Variants in TASP1 observed in about 807,000 individuals in gnomAD.
TASP1 encodes threonine aspartase 1.
A neutral mutation model predicts 56.6 loss-of-function variants in TASP1; 16 were observed. The ratio of observed to expected loss-of-function variants is 0.28; its 90% CI spans 0.19 to 0.43. TASP1 has a LOEUF of 0.43. TASP1 is among the 20% of genes least tolerant of loss of function. TASP1 has a pLI of 1.00. For synonymous variants in TASP1, 179 were observed against 184.2 expected, an observed-to-expected ratio of 0.97 and a Z score of 0.23; for missense variants, 393 against 511.6, an observed-to-expected ratio of 0.77 and a Z score of 2.24.
the TASP1 span, among the ~76,000 whole-genome samples, chr20:13,227,725 G>A: frequency 6.6e-6 from 1 of 151,228 alleles, no homozygotes; most frequent in African/African-American, 2.4e-5. Flanking sequence ...AGCCAGGATG[G>A]TCTCGATCTC....
chr20:13,281,520 G>C, the TASP1 span, among the ~76,000 whole-genome samples: 1 of 152,222 alleles, frequency 6.6e-6, no homozygotes, highest in African/African-American at 2.4e-5. Flanking sequence ...GCACTTTACA[G>C]ATGGGAAAAC....
intron 11 of TASP1, among the ~76,000 whole-genome samples, chr20:13,441,328 C>T (rs1318812257): frequency 2.0e-5 from 3 of 152,204 alleles, no homozygotes; most frequent in Admixed American, 1.3e-4. Context: ...AAAGCCCCTG[C>T]ATACATCTAG....
At chr20:13,358,547 C>T in the TASP1 span, among the ~76,000 whole-genome samples, 1 of 152,188 alleles carries the variant, frequency 6.6e-6, no homozygotes, top group Non-Finnish European at 1.5e-5. Flanking sequence ...CTCCTTTCCA[C>T]TCTTCAATCT....
At chr20:13,327,598 C>T in the TASP1 span, among the ~76,000 whole-genome samples, 1 of 152,100 alleles carries the variant, frequency 6.6e-6, no homozygotes, top group Non-Finnish European at 1.5e-5. Flanking sequence ...GGTACTGGTA[C>T]AAGAACAGAC....
the TASP1 span, among the ~76,000 whole-genome samples, chr20:13,372,555 A>C: frequency 6.6e-6 from 1 of 151,248 alleles, no homozygotes; most frequent in Non-Finnish European, 1.5e-5. Context: ...ATGTAATTTT[A>C]TATATATACA....
the TASP1 span, among the ~76,000 whole-genome samples, chr20:13,347,701 G>A: frequency 4.4e-4 from 67 of 152,264 alleles, no homozygotes; most frequent in African/African-American, 1.6e-3. Flanking sequence ...TTAGCTGGGT[G>A]TTTTGTGGCA....
At chr20:13,202,743 G>A in the TASP1 span, among the ~76,000 whole-genome samples, 2 of 152,226 alleles carry the variant, frequency 1.3e-5, no homozygotes, top group African/African-American at 4.8e-5. Flanking sequence ...TACAGAAAAC[G>A]GAAGTGAGGT....
chr20:13,404,719 T>C (rs1459081210), intron 13 of TASP1, among the ~76,000 whole-genome samples: 1 of 152,224 alleles, frequency 6.6e-6, no homozygotes, highest in East Asian at 1.9e-4. Flanking sequence ...AAGATTTACA[T>C]ACATAATCAC....
intron 1 of TASP1, among the ~76,000 whole-genome samples, chr20:13,634,157 T>A (rs554719039): frequency 6.6e-6 from 1 of 152,272 alleles, no homozygotes; most frequent in East Asian, 1.9e-4. Context: ...CAACTGATGA[T>A]GAATAAACAA....
the TASP1 span, among the ~76,000 whole-genome samples, chr20:13,359,146 C>T: frequency 7.1e-6 from 1 of 140,326 alleles, no homozygotes; most frequent in Non-Finnish European, 1.5e-5. Context: ...CTCTGCGCCC[C>T]AGCCACATCT....
intron 12 of TASP1, among the ~76,000 whole-genome samples, chr20:13,419,209 T>C (rs892151332): frequency 9.2e-5 from 14 of 152,170 alleles, no homozygotes; most frequent in African/African-American, 3.1e-4. Context: ...GAGCCTGATG[T>C]CTCCAATTCA....
At chr20:13,386,265 T>C (rs2041162021), downstream of TASP1, among the ~76,000 whole-genome samples, 2 of 152,212 alleles carry the variant, frequency 1.3e-5, no homozygotes, top group Admixed American at 1.3e-4. Context: ...CTGCAGGCTA[T>C]AGAACCCCAT....
chr20:13,194,779 C>T, the TASP1 span, among the ~76,000 whole-genome samples: 3 of 152,106 alleles, frequency 2.0e-5, no homozygotes, highest in Non-Finnish European at 4.4e-5. Context: ...CCATGTTTCA[C>T]CCTGTTCTGA....
chr20:13,637,958 T>G (rs969133554), intron 1 of TASP1, among the ~76,000 whole-genome samples: 1 of 152,248 alleles, frequency 6.6e-6, no homozygotes, highest in Non-Finnish European at 1.5e-5. Context: ...ACACAATGTA[T>G]GTAACTATGC....
chr20:13,460,635 A>G (rs2044020516), intron 11 of TASP1, among the ~76,000 whole-genome samples: 1 of 152,096 alleles, frequency 6.6e-6, no homozygotes, highest in Non-Finnish European at 1.5e-5. Flanking sequence ...AGATCAGTAA[A>G]CAGAAACCTC....
At chr20:13,215,486 T>C in the TASP1 span, among the ~76,000 whole-genome samples, 4 of 152,194 alleles carry the variant, frequency 2.6e-5, no homozygotes, top group Non-Finnish European at 5.9e-5. Flanking sequence ...TCAATGCAGA[T>C]AGGAACTATA....
intron 11 of TASP1, among the ~76,000 whole-genome samples, chr20:13,445,535 G>A (rs1020155923): frequency 1.3e-5 from 2 of 152,184 alleles, no homozygotes; most frequent in African/African-American, 4.8e-5. Context: ...TGAGACAGGT[G>A]AACTGCTGAC....
the TASP1 span, among the ~76,000 whole-genome samples, chr20:13,262,833 A>G: frequency 6.6e-6 from 1 of 152,156 alleles, no homozygotes; most frequent in Non-Finnish European, 1.5e-5. Context: ...CCAAATGCAA[A>G]GAGTTGCCCA....
the TASP1 span, among the ~76,000 whole-genome samples, chr20:13,149,897 A>G: frequency 6.6e-6 from 1 of 152,216 alleles, no homozygotes; most frequent in South Asian, 2.1e-4. Context: ...CGTTGGGAAA[A>G]GCAATTGAAG....
Sources: allele counts gnomAD v4.1 joint callset (sites outside exome capture counted in the v4.1 genomes callset), GRCh38; gene constraint gnomAD v4.1.1; transcripts MANE v1.5; gene names NCBI Gene and HGNC (gene_info 2026-07-23, HGNC 2026-07-21).